Variants in CCDC18 observed in about 807,000 individuals in gnomAD.
The protein encoded by CCDC18 is coiled-coil domain-containing protein 18.
Under a neutral mutation model 196.0 loss-of-function variants are expected in CCDC18, and 157 were observed. That is an observed-to-expected ratio of 0.80 (90% CI 0.70 to 0.91). CCDC18 has a LOEUF of 0.91. Ranked by LOEUF, CCDC18 falls within the 40% of genes least tolerant of loss-of-function variation. CCDC18 has a pLI of 0.00. For synonymous variants in CCDC18, 482 were observed against 529.2 expected, an observed-to-expected ratio of 0.91 and a Z score of 1.22; for missense variants, 1,465 against 1,611.6, an observed-to-expected ratio of 0.91 and a Z score of 1.56.
At chr1:93,200,701 G>A (rs1334670031) in intron 6 of CCDC18, among the ~76,000 whole-genome samples, 2 of 152,318 alleles carry the variant, frequency 1.3e-5, no homozygotes, top group East Asian at 1.9e-4. Context: ...CAGACAAAGA[G>A]TGAAGATTCA....
chr1:93,243,966 G>A (rs772495681), intron 21 of CCDC18, among the ~76,000 whole-genome samples: 5 of 152,216 alleles, frequency 3.3e-5, no homozygotes, highest in South Asian at 2.1e-4. Flanking sequence ...TTCCAAAGTC[G>A]CTTCCACATT....
intron 27 of CCDC18, among the ~76,000 whole-genome samples, chr1:93,266,783 G>A (rs1470833047): frequency 6.6e-6 from 1 of 152,176 alleles, no homozygotes; most frequent in Non-Finnish European, 1.5e-5. Flanking sequence ...AACAGGTTCT[G>A]AAATTGAGGC....
chr1:93,266,537 A>G (rs1664538496), intron 27 of CCDC18, among the ~76,000 whole-genome samples: 1 of 152,216 alleles, frequency 6.6e-6, no homozygotes, highest in Non-Finnish European at 1.5e-5. Flanking sequence ...CAAAATTGAT[A>G]GACCGCTAGC....
chr1:93,197,745 C>CTTTTTT (rs71094240), intron 6 of CCDC18, among the ~76,000 whole-genome samples: 1,128 of 76,018 alleles, frequency 0.015, 5 homozygotes, highest in African/African-American at 0.033. Flanking sequence ...CTTTTCTTTT[C>CTTTTTT]TTTTTTTTTT....
intron 23 of CCDC18, among the ~76,000 whole-genome samples, chr1:93,253,086 C>T (rs6667540): frequency 0.087 from 13,208 of 152,210 alleles, 1,889 homozygotes; most frequent in African/African-American, 0.3. Context: ...GAGACTGGCC[C>T]TCTTGGGATA....
At chr1:93,260,928 T>C (rs1301516612) in intron 26 of CCDC18, among the ~76,000 whole-genome samples, 3 of 152,246 alleles carry the variant, frequency 2.0e-5, no homozygotes, top group African/African-American at 7.2e-5. Context: ...TTCATCCATG[T>C]CCCTGCAAAG....
At chr1:93,212,338 T>C in intron 11 of CCDC18, 77 bp downstream of exon 11, 1 of 1,009,990 alleles carries the variant, frequency 9.9e-7, no homozygotes, top group Non-Finnish European at 1.4e-6. Context: ...AACTTTTATT[T>C]AAATTTTTTT....
At chr1:93,218,296 G>A (rs1414452336) in intron 14 of CCDC18, among the ~76,000 whole-genome samples, 1 of 152,150 alleles carries the variant, frequency 6.6e-6, no homozygotes, top group Non-Finnish European at 1.5e-5. Flanking sequence ...AAGACCTTCA[G>A]TGAATGCCTG....
chr1:93,213,023 G>A (rs959517910), intron 11 of CCDC18, among the ~76,000 whole-genome samples: 6 of 152,114 alleles, frequency 3.9e-5, no homozygotes, highest in African/African-American at 1.2e-4. Flanking sequence ...TAGATCCTGC[G>A]CATGTGCAGT....
intron 17 of CCDC18, among the ~76,000 whole-genome samples, chr1:93,228,546 GTCT>G (rs946173810): frequency 4.0e-5 from 6 of 151,240 alleles, no homozygotes; most frequent in Middle Eastern, 3.5e-3. Flanking sequence ...ATACGGTCAT[GTCT>G]TCTTCTGTCT....
At position 93,216,752 on chromosome 1, in the gene CCDC18, A is replaced by G; in HGVS notation, c.1830+6A>G. The G allele has an allele frequency of 7.0e-7, 1 of 1,434,980 alleles. No homozygotes were observed. 88.9% of individuals were successfully genotyped at this position (1,434,980 alleles called of 1,614,324 possible). On this transcript the variant is annotated splice_donor_region_variant and intron_variant, in intron 13 of 28. Coordinates refer to ENST00000690025, the MANE Select transcript of CCDC18 (RefSeq NM_001378204.1). ...AACTAGAACAGGAGCTTATGGTAAA[A>G]CTTATCTTTGTTCCTACAAATTTAC...
At chr1:93,210,110 C>T (rs1004445557) in intron 9 of CCDC18, among the ~76,000 whole-genome samples, 10 of 152,056 alleles carry the variant, frequency 6.6e-5, no homozygotes, top group South Asian at 2.1e-4. Context: ...TATGCTTGAT[C>T]GTTTGTTTCT....
In CCDC18 at chr1:93,246,956, T is replaced by C; in HGVS notation, c.3198+2T>C. ...GAACTTAAAGAATGTAACAAACAGG[T>C]AAATTATTTTAAAATTACGTATTTT... On this transcript the variant is annotated splice_donor_variant, in intron 23 of 28. Coordinates refer to ENST00000690025, the MANE Select transcript of CCDC18 (RefSeq NM_001378204.1). LOFTEE classifies it high-confidence loss of function. The C allele has an allele frequency of 1.8e-6, 2 of 1,091,926 alleles. No homozygotes were observed. The highest frequency in any genetic ancestry group is 2.7e-6 in the Non-Finnish European group (2 of 739,506). 67.6% of individuals were successfully genotyped at this position (1,091,926 alleles called of 1,614,324 possible). A position where few individuals can be genotyped will look rare whatever the true frequency, so the allele number is the denominator to read the frequency against.
At chr1:93,216,562 C>A in intron 12 of CCDC18, 74 bp from the exon 13 acceptor site, 1 of 655,724 alleles carries the variant, frequency 1.5e-6, no homozygotes, top group South Asian at 2.2e-5. Context: ...GAAAGAGGAG[C>A]AGGTGTTTGA....
intron 26 of CCDC18, among the ~76,000 whole-genome samples, chr1:93,261,142 G>A (rs1663728790): frequency 6.6e-6 from 1 of 152,252 alleles, no homozygotes; most frequent in East Asian, 1.9e-4. Flanking sequence ...CCAGTAATGG[G>A]ATGGCTGGGT....
At chr1:93,250,581 T>C (rs1341459805) in intron 23 of CCDC18, among the ~76,000 whole-genome samples, 6 of 152,154 alleles carry the variant, frequency 3.9e-5, no homozygotes, top group Admixed American at 3.9e-4. Context: ...TGTCGTTTTA[T>C]TGCAACCACC....
chr1:93,202,047 A>G, intron 7 of CCDC18, 59 bp downstream of exon 7: 1 of 915,030 alleles, frequency 1.1e-6, no homozygotes, highest in South Asian at 1.5e-5. Flanking sequence ...CCAACAGTAA[A>G]GGTAGGAATA....
chr1:93,248,163 C>T (rs890066193), intron 23 of CCDC18, among the ~76,000 whole-genome samples: 1 of 151,716 alleles, frequency 6.6e-6, no homozygotes, highest in South Asian at 2.1e-4. Context: ...TACAGGTGCC[C>T]ACCACCACGC....
rs377663606 is a variant in CCDC18 at position 93,271,101 on chromosome 1, G to GA, written c.4353+294dup. 138 of 983,728 alleles carry GA rather than the reference G, an allele frequency of 1.4e-4. No individual in the cohort carries two copies. The African/African-American group carries it at 2.3e-3, about 16-fold the overall frequency. 60.9% of individuals were successfully genotyped at this position (983,728 alleles called of 1,614,324 possible). ...TTAAAAATAAAAAAATTAAAAAACTGAAAAAAAGAAAAATGGTAAGAAATA... is the reference window on the plus strand; with the variant it reads ...TTAAAAATAAAAAAATTAAAAAACTGAAAAAAAAGAAAAATGGTAAGAAATA... On this transcript the variant is annotated intron_variant, in intron 28 of 28. Coordinates refer to ENST00000690025, the MANE Select transcript of CCDC18 (RefSeq NM_001378204.1).
Sources: allele counts gnomAD v4.1 joint callset (sites outside exome capture counted in the v4.1 genomes callset), GRCh38; gene constraint gnomAD v4.1.1; transcripts MANE v1.5; gene names NCBI Gene and HGNC (gene_info 2026-07-23, HGNC 2026-07-21).